PHACTR1: variants seen among roughly 807,000 people sequenced by gnomAD.
PHACTR1 encodes the protein RPEL repeat containing 1.
Under a neutral mutation model 69.2 loss-of-function variants are expected in PHACTR1, and 16 were observed. The ratio of observed to expected loss-of-function variants is 0.23; its 90% CI spans 0.16 to 0.35. The LOEUF is 0.35. Among genes scored for constraint, PHACTR1 ranks in the 10% least tolerant of loss-of-function variants. PHACTR1 has a pLI of 1.00. For synonymous variants in PHACTR1, 312 were observed against 284.5 expected, an observed-to-expected ratio of 1.10 and a Z score of -0.97; for missense variants, 510 against 734.7, an observed-to-expected ratio of 0.69 and a Z score of 3.54.
chr6:12,726,928 C>A (rs1164185161), intron 3 of PHACTR1, among the ~76,000 whole-genome samples: 1 of 152,206 alleles, frequency 6.6e-6, no homozygotes, highest in Non-Finnish European at 1.5e-5. Context: ...TTTTCCAGAC[C>A]TTTGTCTCTG....
intron 10 of PHACTR1, among the ~76,000 whole-genome samples, chr6:13,248,594 G>A (rs563086054): frequency 5.3e-5 from 8 of 152,148 alleles, no homozygotes; most frequent in African/African-American, 7.2e-5. Context: ...GTGTGATCAC[G>A]GTTATCCTCA....
chr6:12,908,892 G>A (rs1326874174), intron 4 of PHACTR1, among the ~76,000 whole-genome samples: 2 of 152,306 alleles, frequency 1.3e-5, no homozygotes, highest in African/African-American at 4.8e-5. Flanking sequence ...TAGCCATAAA[G>A]AACCACTGGA....
chr6:12,770,034 G>GACAA (rs1769183154), intron 4 of PHACTR1, among the ~76,000 whole-genome samples: 1 of 152,072 alleles, frequency 6.6e-6, no homozygotes, highest in South Asian at 2.1e-4. Context: ...TTCTGTTTGG[G>GACAA]ATGCTGATGC....
intron 4 of PHACTR1, among the ~76,000 whole-genome samples, chr6:12,856,867 G>C (rs1780425924): frequency 6.6e-6 from 1 of 152,220 alleles, no homozygotes; most frequent in African/African-American, 2.4e-5. Context: ...CTAATGACCA[G>C]AGACAGAGAC....
intron 8 of PHACTR1, among the ~76,000 whole-genome samples, chr6:13,208,634 C>G (rs901515019): frequency 8.6e-5 from 13 of 150,778 alleles, no homozygotes; most frequent in Non-Finnish European, 1.8e-4. Flanking sequence ...GCTGCCCACC[C>G]CCCCAACCCC....
intron 4 of PHACTR1, among the ~76,000 whole-genome samples, chr6:12,771,411 A>G (rs1192933787): frequency 6.6e-6 from 1 of 152,082 alleles, no homozygotes; most frequent in Non-Finnish European, 1.5e-5. Context: ...ACACTTACAC[A>G]GGGGAGTCTT....
intron 8 of PHACTR1, among the ~76,000 whole-genome samples, chr6:13,217,620 A>G (rs1310684040): frequency 3.4e-5 from 5 of 147,636 alleles, no homozygotes; most frequent in African/African-American, 1.0e-4. Flanking sequence ...ACCACTGCTG[A>G]AAAAAAAAAC....
chr6:12,871,389 T>C (rs181579475), intron 4 of PHACTR1, among the ~76,000 whole-genome samples: 1 of 152,334 alleles, frequency 6.6e-6, no homozygotes, highest in East Asian at 1.9e-4. Flanking sequence ...CTCATAATCA[T>C]GATCCTAAAA....
chr6:13,277,975 G>T, intron 11 of PHACTR1: 1 of 190,388 alleles, frequency 5.3e-6, no homozygotes, highest in Non-Finnish European at 1.1e-5. Flanking sequence ...CTACCTTCCT[G>T]CCTTGTAGCC....
intron 10 of PHACTR1, among the ~76,000 whole-genome samples, chr6:13,268,987 AC>A (rs1201287462): frequency 2.0e-5 from 3 of 152,106 alleles, no homozygotes; most frequent in Non-Finnish European, 2.9e-5. Flanking sequence ...TCCAAATATG[AC>A]CACCCATAAA....
intron 4 of PHACTR1, among the ~76,000 whole-genome samples, chr6:12,993,085 C>T (rs1208293960): frequency 6.6e-6 from 1 of 152,204 alleles, no homozygotes; most frequent in East Asian, 1.9e-4. Flanking sequence ...CAGCTGCCAG[C>T]ATTCACCTGT....
chr6:13,153,365 A>G lies in PHACTR1; in HGVS notation c.416-6839A>G, dbSNP rs527805420. ...CAGTTTCTTGGGGCCATTTTTGGCT[A>G]TGTTTGGCACTCTAATTGAGAAATC... On this transcript the variant is annotated intron_variant, in intron 5 of 14. Transcript: ENST00000332995. 3.1e-4 allele frequency among the ~76,000 whole-genome samples: 47 copies of G among 152,280 alleles called. 1 individual carries two copies. Among genetic ancestry groups the G allele is most frequent in the African/African-American group, 1.1e-3 (46 of 41,554 alleles).
In PHACTR1 at chr6:12,894,828, A is replaced by G. The variant is rs528660618; in HGVS notation, c.250+145038A>G. Among the ~76,000 whole-genome samples the G allele has an allele frequency of 8.6e-4, 131 of 152,358 alleles. 3 individuals are homozygous for G. In the South Asian group the frequency reaches 0.02, roughly 23 times the overall value. On this transcript the variant is annotated intron_variant, in intron 4 of 14. Transcript: ENST00000332995. Reference sequence around the variant, plus strand: ...ATAGAAAAAAATATCCAAAAAAGCAAAAATTAAAATCATTTTAATTTCATC... The same window carrying G: ...ATAGAAAAAAATATCCAAAAAAGCAGAAATTAAAATCATTTTAATTTCATC...
chr6:12,739,657 G>A (rs1581519133), intron 3 of PHACTR1, among the ~76,000 whole-genome samples: 1 of 152,084 alleles, frequency 6.6e-6, no homozygotes, highest in African/African-American at 2.4e-5. Flanking sequence ...TCCCGTCTCA[G>A]CCTCACCAGT....
intron 5 of PHACTR1, among the ~76,000 whole-genome samples, chr6:13,060,070 G>A (rs1025159517): frequency 6.6e-6 from 1 of 152,146 alleles, no homozygotes; most frequent in African/African-American, 2.4e-5. Flanking sequence ...AGAGAGGTAG[G>A]AGGAAAACCA....
At chr6:12,998,709 A>T (rs1797734976) in intron 4 of PHACTR1, among the ~76,000 whole-genome samples, 1 of 152,150 alleles carries the variant, frequency 6.6e-6, no homozygotes, top group Non-Finnish European at 1.5e-5. Flanking sequence ...AAATCTTTAT[A>T]TGACAAAGGA....
At chr6:13,197,703 A>G (rs1490183961) in intron 7 of PHACTR1, among the ~76,000 whole-genome samples, 4 of 152,150 alleles carry the variant, frequency 2.6e-5, no homozygotes, top group Non-Finnish European at 5.9e-5. Context: ...AGGATCTAGA[A>G]TCATTCTTCT....
intron 4 of PHACTR1, among the ~76,000 whole-genome samples, chr6:12,976,812 G>T (rs1201510235): frequency 6.6e-6 from 1 of 152,100 alleles, no homozygotes; most frequent in African/African-American, 2.4e-5. Context: ...GTGTCACAGT[G>T]CTTGTGTTCA....
chr6:12,985,541 A>AAAATATATAT (rs1179784179), intron 4 of PHACTR1, among the ~76,000 whole-genome samples: 1 of 132,768 alleles, frequency 7.5e-6, no homozygotes, highest in African/African-American at 2.9e-5. Flanking sequence ...AAAAAAAAAA[A>AAAATATATAT]ATATATATAT....
Sources: gnomAD v4.1 joint callset for allele counts (sites outside exome capture counted in the v4.1 genomes callset) on GRCh38, gnomAD v4.1.1 for gene constraint, MANE v1.5 for transcripts, NCBI Gene and HGNC (gene_info 2026-07-23, HGNC 2026-07-21) for gene names.